Variants in ZNF98 observed in about 807,000 individuals in gnomAD.
ZNF98 encodes zinc finger protein 98, also known as zinc finger protein 739.
Under a neutral mutation model 12.8 loss-of-function variants are expected in ZNF98, and 8 were observed. The ratio of observed to expected loss-of-function variants is 0.63; its 90% CI spans 0.37 to 1.13. ZNF98 has a LOEUF of 1.13. Among genes scored for constraint, ZNF98 ranks in the 50% most tolerant of loss-of-function variants. The pLI is 0.01. For missense variants in ZNF98, 379 were observed against 666.1 expected, an observed-to-expected ratio of 0.57 and a Z score of 4.74; for synonymous variants, 112 against 223.5, an observed-to-expected ratio of 0.50 and a Z score of 4.45.
At position 22,422,286 on chromosome 19, in the gene ZNF98, C is replaced by G; in HGVS notation, c.-62G>C. 1 of 1,597,860 alleles carries G rather than the reference C, an allele frequency of 6.3e-7. No individual in the cohort carries two copies. The highest frequency in any genetic ancestry group is 8.6e-7 in the Non-Finnish European group (1 of 1,167,448). ...GCCACAGAGGCTGGGCCTCTACGAGCAGAGGACACAGAAGGGCGAAGACGA... is the reference window on the plus strand; with the variant it reads ...GCCACAGAGGCTGGGCCTCTACGAGGAGAGGACACAGAAGGGCGAAGACGA... On this transcript the variant is annotated 5_prime_UTR_variant, in exon 1 of 4. Transcript: ENST00000357774.
At chr19:22,406,668 T>G (rs777231270) in intron 1 of ZNF98, among the ~76,000 whole-genome samples, 3 of 151,726 alleles carry the variant, frequency 2.0e-5, no homozygotes, top group Non-Finnish European at 2.9e-5. Flanking sequence ...ATACAAAAAA[T>G]TAGCCGGGCA....
chr19:22,404,022 T>A (rs1969491050), intron 1 of ZNF98, among the ~76,000 whole-genome samples: 1 of 152,186 alleles, frequency 6.6e-6, no homozygotes, highest in Non-Finnish European at 1.5e-5. Flanking sequence ...AGACCGAGAC[T>A]ATCCTGGCTA....
intron 1 of ZNF98, among the ~76,000 whole-genome samples, chr19:22,420,039 T>G (rs1436609327): frequency 6.6e-6 from 1 of 151,956 alleles, no homozygotes; most frequent in Non-Finnish European, 1.5e-5. Context: ...GGTGCATGCC[T>G]GTAGTCCCAG....
At chr19:22,405,776 G>A (rs117949150) in intron 1 of ZNF98, among the ~76,000 whole-genome samples, 1,728 of 152,266 alleles carry the variant, frequency 0.011, 16 homozygotes, top group South Asian at 0.023. Context: ...CCGGGGAGGG[G>A]CAGCAACCAT....
chr19:22,415,837 G>A (rs964149875), intron 1 of ZNF98, among the ~76,000 whole-genome samples: 3 of 150,574 alleles, frequency 2.0e-5, no homozygotes, highest in Non-Finnish European at 4.4e-5. Flanking sequence ...GCTCACGCCT[G>A]TAATCCCAGC....
At chr19:22,412,769 G>A (rs555076952) in intron 1 of ZNF98, among the ~76,000 whole-genome samples, 2 of 152,102 alleles carry the variant, frequency 1.3e-5, no homozygotes, top group South Asian at 4.2e-4. Context: ...CAACATACAC[G>A]AGGTGGGGCG....
intron 3 of ZNF98, among the ~76,000 whole-genome samples, chr19:22,398,109 A>T (rs1435595541): frequency 7.2e-5 from 11 of 152,154 alleles, no homozygotes; most frequent in Admixed American, 1.3e-4. Flanking sequence ...AAAATGCCAA[A>T]ATATTACTCA....
intron 2 of ZNF98, among the ~76,000 whole-genome samples, 180 bp from the exon 3 acceptor site, chr19:22,403,064 A>G (rs1023755867): frequency 1.6e-4 from 24 of 151,888 alleles, no homozygotes; most frequent in African/African-American, 5.3e-4. Flanking sequence ...TAATTTCACT[A>G]CCTGATACTA....
At chr19:22,406,142 G>A (rs1403650701) in intron 1 of ZNF98, among the ~76,000 whole-genome samples, 1 of 152,116 alleles carries the variant, frequency 6.6e-6, no homozygotes, top group African/African-American at 2.4e-5. Context: ...CATTAAATGG[G>A]TTCTGTTCCT....
At chr19:22,411,174 C>A (rs1233809157) in intron 1 of ZNF98, among the ~76,000 whole-genome samples, 4 of 152,136 alleles carry the variant, frequency 2.6e-5, no homozygotes, top group Non-Finnish European at 5.9e-5. Context: ...TTCCGAGTAG[C>A]TGGAACTACA....
intron 1 of ZNF98, among the ~76,000 whole-genome samples, chr19:22,409,131 C>T (rs1442517032): frequency 6.6e-6 from 1 of 152,060 alleles, no homozygotes; most frequent in Admixed American, 6.6e-5. Flanking sequence ...TCAGAAATAA[C>T]ACCACACATC....
At chr19:22,393,088 G>C in intron 3 of ZNF98, 107 bp from the exon 4 acceptor site, 2 of 1,123,034 alleles carry the variant, frequency 1.8e-6, no homozygotes, top group Non-Finnish European at 2.4e-6. Context: ...AGATGTTACA[G>C]CAAAATATTA....
At chr19:22,399,767 ATGGTGCCTTATTT>A (rs938476340) in intron 3 of ZNF98, among the ~76,000 whole-genome samples, 1 of 152,218 alleles carries the variant, frequency 6.6e-6, no homozygotes, top group Non-Finnish European at 1.5e-5. Context: ...GGAAAAATAA[ATGGTGCCTTATTT>A]GCTTATTTTC....
intron 3 of ZNF98, among the ~76,000 whole-genome samples, chr19:22,395,591 C>A (rs1969382579): frequency 1.3e-5 from 2 of 150,590 alleles, no homozygotes; most frequent in Admixed American, 6.6e-5. Flanking sequence ...TAAAAAAAAA[C>A]AATTTGGTGG....
At chr19:22,410,068 A>G (rs1331599812) in intron 1 of ZNF98, among the ~76,000 whole-genome samples, 1 of 152,164 alleles carries the variant, frequency 6.6e-6, no homozygotes, top group African/African-American at 2.4e-5. Context: ...ATCTCACACC[A>G]GTCAGAATGG....
At chr19:22,406,154 G>A (rs753680361) in intron 1 of ZNF98, among the ~76,000 whole-genome samples, 5 of 152,116 alleles carry the variant, frequency 3.3e-5, no homozygotes, top group South Asian at 2.1e-4. Flanking sequence ...TCTGTTCCTC[G>A]TGTCACCCAA....
rs529629136 is a variant in ZNF98 at position 22,401,355 on chromosome 19, C to T, written c.253+1434G>A. Among the ~76,000 whole-genome samples, 289 of 152,136 alleles carry T rather than the reference C, an allele frequency of 1.9e-3. 1 individual carries two copies. Among genetic ancestry groups the T allele is most frequent in the African/African-American group, 5.9e-3 (245 of 41,502 alleles). ...CAGAAAGCAATCTTATTTACAATAG[C>T]ACTAAAATAATAAATTTCTGAGAAC... On this transcript the variant is annotated intron_variant, in intron 3 of 3. Transcript: ENST00000357774.
intron 1 of ZNF98, among the ~76,000 whole-genome samples, chr19:22,407,439 C>G (rs1409472822): frequency 6.7e-6 from 1 of 149,646 alleles, no homozygotes; most frequent in Non-Finnish European, 1.5e-5. Context: ...CTCGGCTGGG[C>G]ACGGTGGCTC....
At chr19:22,398,915 A>G (rs1209045736) in intron 3 of ZNF98, among the ~76,000 whole-genome samples, 3 of 152,178 alleles carry the variant, frequency 2.0e-5, no homozygotes, top group Non-Finnish European at 2.9e-5. Context: ...TATATACAAG[A>G]TTAGCCATAA....
Sources: allele counts gnomAD v4.1 joint callset (sites outside exome capture counted in the v4.1 genomes callset), GRCh38; gene constraint gnomAD v4.1.1; transcripts MANE v1.5; gene names NCBI Gene and HGNC (gene_info 2026-07-23, HGNC 2026-07-21).